The following VEZF1 variants were observed in gnomAD, a reference collection of about 807,000 sequenced individuals.
VEZF1 encodes the protein vascular endothelial zinc finger 1, also known as putative transcription factor DB1.
A neutral mutation model predicts 44.1 loss-of-function variants in VEZF1; 5 were observed. The observed-to-expected ratio is 0.11, with a 90% CI of 0.06 to 0.24. The LOEUF (loss-of-function observed/expected upper bound fraction) is 0.24, where lower values mean the gene tolerates loss of function less well. VEZF1 is among the 10% of genes least tolerant of loss of function. The pLI, the probability that VEZF1 is intolerant of heterozygous loss-of-function variation, is 1.00. For missense variants in VEZF1, 358 were observed against 641.8 expected (o/e 0.56, Z 4.78); for synonymous variants, 236 against 233.1 (o/e 1.01, Z -0.11).
At position 57,974,203 on chromosome 17, in the gene VEZF1, G is replaced by A. The variant is rs2075165619; in HGVS notation, c.*270C>T. 1 of 452,248 alleles carries A rather than the reference G, an allele frequency of 2.2e-6. No homozygotes were observed. Among genetic ancestry groups the A allele is most frequent in the African/African-American group, 1.9e-5 (1 of 51,410 alleles). The allele number at this position is 452,248 out of a possible 1,614,324, so 28.0% of individuals were successfully genotyped here. ...TCTACTTATGATTGGTTTTAATTCT[G>A]GCATTTCATCTTGCCAACTACTATC... On this transcript the variant is annotated 3_prime_UTR_variant, in exon 6 of 6. Coordinates refer to ENST00000581208, the MANE Select transcript of VEZF1 (RefSeq NM_007146.3).
intron 4 of VEZF1, among the ~76,000 whole-genome samples, chr17:57,980,376 C>T (rs2075237651): frequency 6.6e-6 from 1 of 152,208 alleles, no homozygotes. Context: ...CTTATTAATA[C>T]TGCTTTCACC....
chr17:57,979,823 A>C (rs1018669642), intron 4 of VEZF1, among the ~76,000 whole-genome samples: 3 of 151,946 alleles, frequency 2.0e-5, no homozygotes, highest in Admixed American at 6.6e-5. Flanking sequence ...TAGCAAAGGT[A>C]ATCGGGCATG....
chr17:57,982,459 G>A (rs999531893), intron 2 of VEZF1, among the ~76,000 whole-genome samples: 1 of 152,098 alleles, frequency 6.6e-6, no homozygotes, highest in African/African-American at 2.4e-5. Context: ...ATGAAAGCCT[G>A]AGTCCACCGA....
At position 57,988,223 on chromosome 17, in the gene VEZF1, C is replaced by CGGCG; in HGVS notation, c.-113_-112insCGCC. ...GCGGCGGCGGCAACGGCAGCGGCGG[C>CGGCG]TCCTCAACATGGCAGCGCCGAGCGC... On this transcript the variant is annotated 5_prime_UTR_variant, in exon 1 of 6. The change abolishes the stop of an existing upstream ORF in the 5' untranslated region. Transcript: ENST00000581208. 4.6e-6 allele frequency: 1 copy of CGGCG among 216,646 alleles called. No homozygotes were observed. The highest frequency in any genetic ancestry group is 9.0e-6 in the Non-Finnish European group (1 of 111,700). 13.4% of individuals were successfully genotyped at this position (216,646 alleles called of 1,614,324 possible).
rs1372240534 is a variant in VEZF1 at position 57,972,724 on chromosome 17, C to T, written c.*1749G>A. 1.3e-5 allele frequency: 2 copies of T among 152,416 alleles called. No homozygotes were observed. The highest frequency in any genetic ancestry group is 2.9e-5 in the Non-Finnish European group (2 of 68,034). 9.4% of individuals were successfully genotyped at this position (152,416 alleles called of 1,614,324 possible). A position where few individuals can be genotyped will look rare whatever the true frequency, so the allele number is the denominator to read the frequency against. On this transcript the variant is annotated 3_prime_UTR_variant, in exon 6 of 6. Transcript: ENST00000581208. ...GAAAGTTCCTAAGCTTTTATATATA[C>T]AAAAGTTGTACAATTTAATGTCCTA...
chr17:57,980,704 C>T lies in VEZF1; in HGVS notation c.875G>A (p.Cys292Tyr), dbSNP rs1463534458. 1 of 1,614,210 alleles carries T rather than the reference C, an allele frequency of 6.2e-7. No homozygotes were observed. The highest frequency in any genetic ancestry group is 8.5e-7 in the Non-Finnish European group (1 of 1,180,050). The change falls in exon 4 of 6, where the codon TGT becomes TAT. Residue 292 changes from cysteine (C) to tyrosine (Y), a missense_variant. By Grantham distance (194) the Cys-to-Tyr change is radical (BLOSUM62 -2). Around this residue, in one of 4 missense-constraint regions of VEZF1, gnomAD observed 48 missense variants for 144.9 expected, o/e 0.33. Transcript: ENST00000581208. Reference sequence around the variant, plus strand: ...GTATGCTGCACTCAGGAGCTTCCCACAGATGTTACATGATACCTTGCCTTC... The same window carrying T: ...GTATGCTGCACTCAGGAGCTTCCCATAGATGTTACATGATACCTTGCCTTC... ...RHEGKVSCNI[C>Y]GKLLSAAYIT...
chr17:57,978,909 A>G (rs1252660401), intron 5 of VEZF1, among the ~76,000 whole-genome samples: 1 of 152,228 alleles, frequency 6.6e-6, no homozygotes, highest in Non-Finnish European at 1.5e-5. Flanking sequence ...TTTGTAGCAA[A>G]AAGTACATCA....
intron 4 of VEZF1, among the ~76,000 whole-genome samples, chr17:57,980,393 G>C (rs1057151746): frequency 6.6e-6 from 1 of 152,188 alleles, no homozygotes; most frequent in Non-Finnish European, 1.5e-5. Flanking sequence ...CACCTTAAAG[G>C]TTATTATTAG....
In VEZF1 at chr17:57,974,575, T is replaced by C. The variant is rs1224645679; in HGVS notation, c.1464A>G (p.Leu488=). The C allele has an allele frequency of 8.7e-6, 14 of 1,613,978 alleles. No homozygotes were observed. The highest frequency in any genetic ancestry group is 1.3e-5 in the African/African-American group (1 of 74,876). Residue 488 remains leucine (L), a synonymous_variant, in exon 6 of 6, where the codon CTA becomes CTG. Transcript: ENST00000581208. ...HPVTITSPMN[L]PTPMTLAAPL... Reference sequence around the variant, plus strand: ...GGGCGGCTAATGTCATAGGTGTGGGTAGATTCATTGGAGATGTGATGGTGA... The same window carrying C: ...GGGCGGCTAATGTCATAGGTGTGGGCAGATTCATTGGAGATGTGATGGTGA...
chr17:57,973,354 G>A lies in VEZF1; in HGVS notation c.*1119C>T, dbSNP rs2075156134. On this transcript the variant is annotated 3_prime_UTR_variant, in exon 6 of 6. Transcript: ENST00000581208. ...CATATTTACAAAGTTGAACAAATCT[G>A]CGCAATACTTAAGAAACGGAAGGAG... 1 of 152,408 alleles carries A rather than the reference G, an allele frequency of 6.6e-6. No homozygotes were observed. The highest frequency in any genetic ancestry group is 1.5e-5 in the Non-Finnish European group (1 of 68,012). The allele number at this position is 152,408 out of a possible 1,614,324, so 9.4% of individuals were successfully genotyped here.
chr17:57,979,228 T>C lies in VEZF1; in HGVS notation c.1062A>G (p.Gln354=). ...GCTTCCCTGGCCAGCTTGTCACATG[T>C]TGTTGTTGTTGTTGTTGCTGCTGCT... ...QQQQQQQQQQ[Q]HVTSWPGKQV... The change falls in exon 5 of 6, where the codon CAA becomes CAG. Residue 354 remains glutamine, a synonymous_variant. Transcript: ENST00000581208. The C allele has an allele frequency of 6.4e-7, 1 of 1,573,366 alleles. No homozygotes were observed. Among genetic ancestry groups the C allele is most frequent in the Non-Finnish European group, 8.7e-7 (1 of 1,148,770 alleles).
rs1367065775 is a variant in VEZF1 at position 57,973,460 on chromosome 17, A to G, written c.*1013T>C. 6.6e-6 allele frequency: 1 copy of G among 152,638 alleles called. No homozygotes were observed. Among genetic ancestry groups the G allele is most frequent in the Non-Finnish European group, 1.5e-5 (1 of 68,046 alleles). 9.5% of individuals were successfully genotyped at this position (152,638 alleles called of 1,614,324 possible). On this transcript the variant is annotated 3_prime_UTR_variant, in exon 6 of 6. Coordinates refer to ENST00000581208, the MANE Select transcript of VEZF1 (RefSeq NM_007146.3). ...AGTGGTTAGAATAAAAACTGTATAC[A>G]ATTTAATATAAGACATAAACTCTAG...
At chr17:57,987,868 CCTG>C (rs1014340400) in intron 1 of VEZF1, among the ~76,000 whole-genome samples, 5 of 151,766 alleles carry the variant, frequency 3.3e-5, no homozygotes, top group Admixed American at 6.6e-5. Context: ...CACCCCGCGG[CCTG>C]CTATCTCCCC....
chr17:57,975,831 T>C (rs1194410671), intron 5 of VEZF1, among the ~76,000 whole-genome samples: 5 of 152,132 alleles, frequency 3.3e-5, no homozygotes, highest in African/African-American at 1.2e-4. Context: ...AGGGTCTCCT[T>C]CTGTTGCTCA....
chr17:57,979,485 A>G (rs1417872944), intron 4 of VEZF1, among the ~76,000 whole-genome samples, 172 bp from the exon 5 acceptor site: 1 of 152,088 alleles, frequency 6.6e-6, no homozygotes. Flanking sequence ...CAAGCACTAA[A>G]AAGTCTAGAG....
rs537069514 is a variant in VEZF1 at position 57,974,727 on chromosome 17, T to A, written c.1312A>T (p.Ser438Cys). The A allele has an allele frequency of 5.0e-6, 8 of 1,614,194 alleles. No individual in the cohort carries two copies. Among genetic ancestry groups the A allele is most frequent in the East Asian group, 2.2e-5 (1 of 44,892 alleles). ...ACAGGATGCCCTATGTTCATTGGGCTGGTTATGTTAACTGCACTTGAAACA... is the reference window on the plus strand; with the variant it reads ...ACAGGATGCCCTATGTTCATTGGGCAGGTTATGTTAACTGCACTTGAAACA... ...VNVSSAVNITSPMNIGHPVTI... is the reference protein window; with the variant it reads ...VNVSSAVNITCPMNIGHPVTI... Residue 438 changes from serine (S) to cysteine (C), a missense_variant, in exon 6 of 6, where the codon AGC becomes TGC. By Grantham distance (112) the Ser-to-Cys change is moderately radical (BLOSUM62 -1). Coordinates refer to ENST00000581208, the MANE Select transcript of VEZF1 (RefSeq NM_007146.3).
chr17:57,975,379 C>T (rs1376576298), intron 5 of VEZF1, among the ~76,000 whole-genome samples: 2 of 152,208 alleles, frequency 1.3e-5, no homozygotes, highest in Non-Finnish European at 2.9e-5. Context: ...AAAATCTTCT[C>T]GTAAGGCACA....
intron 4 of VEZF1, 41 bp downstream of exon 4, chr17:57,980,562 A>T (rs765363331): frequency 5.2e-6 from 8 of 1,548,348 alleles, no homozygotes; most frequent in South Asian, 4.5e-5. Flanking sequence ...TATTTCACCC[A>T]TCTGAAATAT....
rs895649245 is a variant in VEZF1 at position 57,974,231 on chromosome 17, G to A, written c.*242C>T. 1 of 540,202 alleles carries A rather than the reference G, an allele frequency of 1.9e-6. No homozygotes were observed. The highest frequency in any genetic ancestry group is 1.9e-5 in the African/African-American group (1 of 52,978). 33.5% of individuals were successfully genotyped at this position (540,202 alleles called of 1,614,324 possible). ...ATTTCATCTTGCCAACTACTATCCT[G>A]TTTAAGCAATGTTGTCAGCTAAAAG... On this transcript the variant is annotated 3_prime_UTR_variant, in exon 6 of 6. Coordinates refer to ENST00000581208, the MANE Select transcript of VEZF1 (RefSeq NM_007146.3).
Sources: gnomAD v4.1 joint callset for allele counts (sites outside exome capture counted in the v4.1 genomes callset) on GRCh38, gnomAD v4.1.1 for gene constraint, gnomAD v4.1.1 regional missense constraint, MANE v1.5 for transcripts, NCBI Gene and HGNC (gene_info 2026-07-23, HGNC 2026-07-21) for gene names.